PKIA: variants seen among roughly 807,000 people sequenced by gnomAD.
PKIA encodes the protein PKI-alpha.
A neutral mutation model predicts 7.6 loss-of-function variants in PKIA; 4 were observed. The ratio of observed to expected loss-of-function variants is 0.52; its 90% CI spans 0.26 to 1.20. The LOEUF (loss-of-function observed/expected upper bound fraction) is 1.20. Ranked by LOEUF, PKIA falls within the 50% of genes most tolerant of loss-of-function variation. The probability of loss-of-function intolerance (pLI) is 0.13; values close to 1 mark genes in which losing one functional copy is unlikely to be tolerated. For synonymous variants in PKIA, 21 were observed against 30.7 expected, an observed-to-expected ratio of 0.68 and a Z score of 1.04; for missense variants, 73 against 86.2, an observed-to-expected ratio of 0.85 and a Z score of 0.61.
intron 3 of PKIA, among the ~76,000 whole-genome samples, chr8:78,599,328 C>G (rs1459131992): frequency 1.3e-5 from 2 of 151,794 alleles, no homozygotes; most frequent in African/African-American, 4.8e-5. Flanking sequence ...TTAGGGAAAC[C>G]CTGATATTAT....
chr8:78,597,356 AG>A (rs1189993816), intron 2 of PKIA, among the ~76,000 whole-genome samples: 2 of 152,192 alleles, frequency 1.3e-5, no homozygotes, highest in African/African-American at 4.8e-5. Flanking sequence ...GATTTAATCA[AG>A]AGTGTTTGTT....
intron 1 of PKIA, chr8:78,533,765 T>G (rs959954709): frequency 1.3e-5 from 2 of 152,036 alleles, no homozygotes; most frequent in African/African-American, 4.8e-5. Flanking sequence ...GAGGCTGAGG[T>G]AGGGGTGTCA....
chr8:78,567,339 T>C (rs1445186971), intron 1 of PKIA, among the ~76,000 whole-genome samples: 1 of 152,154 alleles, frequency 6.6e-6, no homozygotes, highest in Non-Finnish European at 1.5e-5. Flanking sequence ...CATTTAGTTG[T>C]CATGTTTTCT....
chr8:78,519,343 CAGG>C (rs1246352911), intron 1 of PKIA, among the ~76,000 whole-genome samples: 1 of 152,090 alleles, frequency 6.6e-6, no homozygotes, highest in African/African-American at 2.4e-5. Flanking sequence ...GAGGCTGAGG[CAGG>C]AGGATTGCTT....
intron 1 of PKIA, among the ~76,000 whole-genome samples, chr8:78,551,775 G>A (rs1196411062): frequency 6.6e-6 from 1 of 151,912 alleles, no homozygotes; most frequent in Non-Finnish European, 1.5e-5. Context: ...TCATTGAGAT[G>A]GAAGTTAGTG....
intron 1 of PKIA, among the ~76,000 whole-genome samples, chr8:78,521,176 C>A (rs554022053): frequency 6.6e-6 from 1 of 152,084 alleles, no homozygotes; most frequent in Non-Finnish European, 1.5e-5. Context: ...TGTGGGAAAA[C>A]ATTGCCAGCA....
intron 2 of PKIA, among the ~76,000 whole-genome samples, chr8:78,575,441 CTATT>C (rs1807649968): frequency 6.6e-6 from 1 of 151,488 alleles, no homozygotes; most frequent in Non-Finnish European, 1.5e-5. Context: ...TCTAAGATAT[CTATT>C]TTGTTTCAGC....
At chr8:78,537,855 A>G (rs1243072840) in intron 1 of PKIA, among the ~76,000 whole-genome samples, 3 of 152,046 alleles carry the variant, frequency 2.0e-5, no homozygotes, top group African/African-American at 4.8e-5. Context: ...ATCTATTGAC[A>G]GTTCTTTTGA....
At chr8:78,552,868 C>T (rs377027314) in intron 1 of PKIA, among the ~76,000 whole-genome samples, 4 of 151,854 alleles carry the variant, frequency 2.6e-5, no homozygotes, top group African/African-American at 9.7e-5. Context: ...CATAATATCT[C>T]TATTTTGACC....
chr8:78,566,013 G>A (rs1401729616), intron 1 of PKIA, among the ~76,000 whole-genome samples: 1 of 151,920 alleles, frequency 6.6e-6, no homozygotes, highest in Non-Finnish European at 1.5e-5. Flanking sequence ...TACTTTTCAA[G>A]AAAGTAGAAC....
rs1423793840 is a variant in PKIA at position 78,598,554 on chromosome 8, AT to A, written c.151+22del. 6.3e-7 allele frequency: 1 copy of A among 1,593,920 alleles called. No homozygotes were observed. The highest frequency in any genetic ancestry group is 1.1e-5 in the South Asian group (1 of 89,640). Reference sequence around the variant, plus strand: ...AAGACAGGTAAGTCATCTGGCACACATTTCTCTATGAGCATGGAATGATTTG... The same window carrying A: ...AAGACAGGTAAGTCATCTGGCACACATTCTCTATGAGCATGGAATGATTTG... On this transcript the variant is annotated intron_variant, in intron 3 of 3. Coordinates refer to ENST00000396418, the MANE Select transcript of PKIA (RefSeq NM_006823.4).
intron 1 of PKIA, among the ~76,000 whole-genome samples, chr8:78,560,192 A>G (rs1172363373): frequency 6.6e-6 from 1 of 152,220 alleles, no homozygotes; most frequent in Non-Finnish European, 1.5e-5. Flanking sequence ...GAATTTGCAG[A>G]CAAAACAGTG....
At chr8:78,541,324 T>C (rs1806681245) in intron 1 of PKIA, among the ~76,000 whole-genome samples, 1 of 152,110 alleles carries the variant, frequency 6.6e-6, no homozygotes, top group Non-Finnish European at 1.5e-5. Flanking sequence ...CAATGGGTCA[T>C]GCTCTTAATC....
intron 2 of PKIA, among the ~76,000 whole-genome samples, chr8:78,575,403 CT>C (rs933365956): frequency 6.6e-6 from 1 of 150,614 alleles, no homozygotes; most frequent in Admixed American, 6.6e-5. Flanking sequence ...ACTGTGTTTG[CT>C]TTTTTTTCAC....
In PKIA at chr8:78,603,566, C is replaced by A. The variant is rs1808405862; in HGVS notation, c.*1745C>A. Reference sequence around the variant, plus strand: ...GAAAGATTAAATTTTAGAATGCTTCCTTCTGTCTAATCCATCAGGGGCCAA... The same window carrying A: ...GAAAGATTAAATTTTAGAATGCTTCATTCTGTCTAATCCATCAGGGGCCAA... On this transcript the variant is annotated 3_prime_UTR_variant, in exon 4 of 4. Transcript: ENST00000396418. The A allele has an allele frequency of 6.6e-6, 1 of 151,924 alleles. No homozygotes were observed. Among genetic ancestry groups the A allele is most frequent in the Non-Finnish European group, 1.5e-5 (1 of 67,938 alleles). 9.4% of individuals were successfully genotyped at this position (151,924 alleles called of 1,614,324 possible). A position where few individuals can be genotyped will look rare whatever the true frequency, so the allele number is the denominator to read the frequency against.
chr8:78,517,975 A>G (rs1432119206), intron 1 of PKIA, among the ~76,000 whole-genome samples: 1 of 152,246 alleles, frequency 6.6e-6, no homozygotes, highest in Non-Finnish European at 1.5e-5. Flanking sequence ...AAGATCAATG[A>G]AAAAGAGGGG....
In PKIA at chr8:78,566,935, C is replaced by T. The variant is rs530572680; in HGVS notation, c.-156-5876C>T. ...AAAAACATGTTACCAGGAATTATTG[C>T]TTATTGAATTGGAATTACCAACCAT... On this transcript the variant is annotated intron_variant, in intron 1 of 3. Transcript: ENST00000396418. Among the ~76,000 whole-genome samples the T allele has an allele frequency of 8.5e-5, 13 of 152,132 alleles. No individual in the cohort carries two copies. In the East Asian group the frequency reaches 2.5e-3, roughly 29 times the overall value.
At chr8:78,534,954 A>T (rs1383483687) in intron 1 of PKIA, 2 of 152,154 alleles carry the variant, frequency 1.3e-5, no homozygotes, top group Non-Finnish European at 2.9e-5. Flanking sequence ...AGACATTGCT[A>T]AGGCATTTAA....
intron 2 of PKIA, among the ~76,000 whole-genome samples, chr8:78,582,792 C>G (rs866397527): frequency 3.7e-4 from 57 of 152,160 alleles, no homozygotes; most frequent in African/African-American, 1.3e-3. Flanking sequence ...CTCGCAAACT[C>G]AAAACAGTTG....
Sources: allele counts gnomAD v4.1 joint callset (sites outside exome capture counted in the v4.1 genomes callset), GRCh38; gene constraint gnomAD v4.1.1; transcripts MANE v1.5; gene names NCBI Gene and HGNC (gene_info 2026-07-23, HGNC 2026-07-21).